ABCC5: variants seen among roughly 807,000 people sequenced by gnomAD.
ABCC5 encodes ATP-binding cassette sub-family C member 5.
A neutral mutation model predicts 160.9 loss-of-function variants in ABCC5; 61 were observed. The ratio of observed to expected loss-of-function variants is 0.38; its 90% CI spans 0.31 to 0.47. ABCC5 has a LOEUF of 0.47. ABCC5 is among the 20% of genes least tolerant of loss of function. The probability of loss-of-function intolerance (pLI) is 0.99; values close to 1 mark genes in which losing one functional copy is unlikely to be tolerated. For missense variants in ABCC5, 1,308 were observed against 1,813.3 expected (o/e 0.72, Z 5.06); for synonymous variants, 666 against 700.6 (o/e 0.95, Z 0.78).
At position 184,014,296 on chromosome 3, in the gene ABCC5, G is replaced by T; in HGVS notation, c.97C>A (p.Arg33Ser). The change falls in exon 2 of 30, where the codon CGT (arginine) becomes AGT (serine). Residue 33 changes from arginine to serine, a missense_variant. Arg to Ser is a moderately radical substitution (Grantham distance 110). This residue lies in a region of ABCC5 where 1,142 missense variants were observed against 1,527.1 expected (regional missense o/e 0.75). Coordinates refer to ENST00000334444, the MANE Select transcript of ABCC5 (RefSeq NM_005688.4). ...RTSTSGTHRD[R>S]EDSKFRRTRP... ...GTTCTCCTGAACTTGGAATCTTCAC[G>T]GTCTCTGTGCGTCCCAGAAGTGCTG... The T allele has an allele frequency of 6.2e-7, 1 of 1,613,866 alleles. No homozygotes were observed. The highest frequency in any genetic ancestry group is 8.5e-7 in the Non-Finnish European group (1 of 1,179,888).
At position 183,981,782 on chromosome 3, in the gene ABCC5, G is replaced by T. The variant is rs780142118; in HGVS notation, c.1092C>A (p.Tyr364Ter). ...AGGCATACATTTTGATAAATTTAAT[G>T]TAAGTAAGAACTTCATTCATCTTCT... ...RVQKMNEVLT[Y>*]IKFIKMYAWV... Residue 364 changes from tyrosine (Y) to a stop codon, truncating the protein, a stop_gained, in exon 8 of 30, where the codon TAC (tyrosine) becomes TAA (stop). Coordinates refer to ENST00000334444, the MANE Select transcript of ABCC5 (RefSeq NM_005688.4). LOFTEE classifies it high-confidence loss of function. The T allele has an allele frequency of 6.2e-7, 1 of 1,609,608 alleles. No homozygotes were observed. The highest frequency in any genetic ancestry group is 8.5e-7 in the Non-Finnish European group (1 of 1,178,790).
rs765349174 is a variant in ABCC5 at position 183,951,909 on chromosome 3, G to T, written c.2762C>A (p.Ser921Tyr). 6.2e-7 allele frequency: 1 copy of T among 1,614,116 alleles called. No individual in the cohort carries two copies. The highest frequency in any genetic ancestry group is 8.5e-7 in the Non-Finnish European group (1 of 1,179,962). ...TTTCAGGATCAGCATGACTGCCATG[G>T]AGAGGGCGTAGATGCTGGCATAGTA... ...MQYYASIYAL[S>Y]MAVMLILKAI... Residue 921 changes from serine to tyrosine, a missense_variant, in exon 19 of 30, where the codon TCC (serine) becomes TAC (tyrosine). Around this residue, in one of 3 missense-constraint regions of ABCC5, gnomAD observed 1,142 missense variants for 1,527.1 expected, o/e 0.75. Coordinates refer to ENST00000334444, the MANE Select transcript of ABCC5 (RefSeq NM_005688.4). The surrounding 1 kb of genome is among the most constrained non-coding windows in gnomAD (Gnocchi z 4.7).
At chr3:183,948,858 C>A (rs578102413) in intron 22 of ABCC5, among the ~76,000 whole-genome samples, 1 of 152,026 alleles carries the variant, frequency 6.6e-6, no homozygotes, top group African/African-American at 2.4e-5. Context: ...CCTGCCACCA[C>A]GCCTGGTTAA....
intron 5 of ABCC5, chr3:183,985,291 A>G: frequency 6.2e-7 from 1 of 1,611,720 alleles, no homozygotes; most frequent in Non-Finnish European, 8.5e-7. Context: ...CCAGTGAATA[A>G]ACATTACCTT....
rs1711884921 is a variant in ABCC5, at chr3:183,920,662, CG to C, written c.*637del. The stretch of plus-strand genomic sequence containing the variant: ...AGAAGGCAGGAGCCCTGAGAACTCA[CG>C]GCGCTCTGCATGGTCTCCAGCCGCC... On this transcript the variant is annotated 3_prime_UTR_variant, in exon 30 of 30. Transcript: ENST00000334444. The surrounding 1 kb of genome is among the most constrained non-coding windows in gnomAD (Gnocchi z 4.1). 6.5e-6 allele frequency: 1 copy of C among 152,672 alleles called. No individual in the cohort carries two copies. The highest frequency in any genetic ancestry group is 1.5e-5 in the Non-Finnish European group (1 of 68,072). 9.5% of individuals were successfully genotyped at this position (152,672 alleles called of 1,614,324 possible).
intron 10 of ABCC5, among the ~76,000 whole-genome samples, chr3:183,974,116 A>T (rs944213334): frequency 6.6e-6 from 1 of 152,192 alleles, no homozygotes; most frequent in Non-Finnish European, 1.5e-5. Flanking sequence ...AGAATCTTAG[A>T]TATAACATAA....
intron 5 of ABCC5, chr3:183,983,729 G>T: frequency 1.0e-6 from 1 of 985,606 alleles, no homozygotes; most frequent in Non-Finnish European, 1.2e-6. Flanking sequence ...GGCACATTCA[G>T]CAACAGTATT....
chr3:183,940,462 GAAAAAA>G (rs537025178), intron 25 of ABCC5, among the ~76,000 whole-genome samples: 5 of 64,618 alleles, frequency 7.7e-5, no homozygotes, highest in African/African-American at 1.7e-4. Context: ...TCTGTCTCAG[GAAAAAA>G]AAAAAAAAAA....
chr3:183,983,475 T>C (rs1385345470), intron 5 of ABCC5: 1 of 175,962 alleles, frequency 5.7e-6, no homozygotes, highest in East Asian at 1.4e-4. Flanking sequence ...TTGCAAAACA[T>C]TCCTGAAAAT....
At chr3:183,995,512 C>T (rs766283364) in intron 2 of ABCC5, among the ~76,000 whole-genome samples, 3 of 152,144 alleles carry the variant, frequency 2.0e-5, no homozygotes, top group East Asian at 1.9e-4. Context: ...TACAGATGTC[C>T]GGTTGTTCCA....
rs373986459 is a variant in ABCC5 at position 183,925,606 on chromosome 3, G to C, written c.4161C>G (p.Arg1387=). Reference sequence around the variant, plus strand: ...TATCGGAGCCTAGAACCGTGTGCAGGCGATGGGCAATGGTCAGCATGGTAC... The same window carrying C: ...TATCGGAGCCTAGAACCGTGTGCAGCCGATGGGCAATGGTCAGCATGGTAC... ...ADCTMLTIAH[R]LHTVLGSDRI... is the part of the protein sequence containing the mutation. Residue 1387 remains arginine (R), a synonymous_variant, in exon 29 of 30, where the codon CGC becomes CGG. Coordinates refer to ENST00000334444, the MANE Select transcript of ABCC5 (RefSeq NM_005688.4). The C allele has an allele frequency of 6.2e-7, 1 of 1,613,872 alleles. No individual in the cohort carries two copies. The highest frequency in any genetic ancestry group is 8.5e-7 in the Non-Finnish European group (1 of 1,180,006).
chr3:184,015,995 CAGA>C (rs1560064283), intron 1 of ABCC5, among the ~76,000 whole-genome samples: 2 of 152,168 alleles, frequency 1.3e-5, no homozygotes. Flanking sequence ...CAGTTTGAAA[CAGA>C]GGAGGTCACT....
chr3:183,955,328 G>A (rs1380832303), intron 17 of ABCC5, among the ~76,000 whole-genome samples: 1 of 152,160 alleles, frequency 6.6e-6, no homozygotes, highest in Non-Finnish European at 1.5e-5. Context: ...CAGCTACAAA[G>A]AGACTGTTCT....
At chr3:183,935,514 T>A (rs1185711100) in intron 26 of ABCC5, among the ~76,000 whole-genome samples, 1 of 144,578 alleles carries the variant, frequency 6.9e-6, no homozygotes, top group African/African-American at 2.6e-5. Flanking sequence ...AAATTCTAAT[T>A]TTCTTTTGAG....
intron 5 of ABCC5, chr3:183,985,198 T>C (rs964716075): frequency 5.5e-6 from 6 of 1,081,198 alleles, no homozygotes; most frequent in Non-Finnish European, 8.1e-6. Context: ...TTTTAAAAAG[T>C]TACAAATGTA....
At chr3:183,984,450 A>C in intron 5 of ABCC5, 1 of 1,020,220 alleles carries the variant, frequency 9.8e-7, no homozygotes, top group Non-Finnish European at 1.2e-6. Flanking sequence ...AATGGAGGCC[A>C]GACACCACGG....
chr3:183,983,299 A>G, intron 5 of ABCC5: 1 of 424,470 alleles, frequency 2.4e-6, no homozygotes, highest in South Asian at 2.9e-5. Flanking sequence ...CTCTAAACAC[A>G]TGGTCATTCA....
chr3:183,975,811 G>A (rs1718165411), intron 10 of ABCC5, among the ~76,000 whole-genome samples: 1 of 151,956 alleles, frequency 6.6e-6, no homozygotes, highest in Admixed American at 6.6e-5. Context: ...GAGGCTTCCT[G>A]GAGAGAGGAG....
chr3:183,922,759 G>A (rs1204923807), intron 29 of ABCC5, among the ~76,000 whole-genome samples: 1 of 152,208 alleles, frequency 6.6e-6, no homozygotes, highest in African/African-American at 2.4e-5. Flanking sequence ...GTAAGAGGAA[G>A]TCTCCTTGGT....
Sources: gnomAD v4.1 joint callset for allele counts (sites outside exome capture counted in the v4.1 genomes callset) on GRCh38, gnomAD v4.1.1 for gene constraint, gnomAD v4.1.1 regional missense constraint, Gnocchi (gnomAD v3.1) non-coding constraint, MANE v1.5 for transcripts, NCBI Gene and HGNC (gene_info 2026-07-23, HGNC 2026-07-21) for gene names.